The following PHKB variants were observed in gnomAD, a reference collection of about 807,000 sequenced individuals.
PHKB encodes the protein phosphorylase kinase regulatory subunit beta, also known as phosphorylase b kinase regulatory subunit beta.
A neutral mutation model predicts 152.1 loss-of-function variants in PHKB; 122 were observed. The observed-to-expected ratio is 0.80, with a 90% CI of 0.69 to 0.93. PHKB has a LOEUF of 0.93. PHKB is among the 40% of genes least tolerant of loss of function. The pLI is 0.00. For missense variants in PHKB, 1,304 were observed against 1,328.4 expected (o/e 0.98, Z 0.29); for synonymous variants, 436 against 464.9 (o/e 0.94, Z 0.80).
chr16:47,700,462 A>G lies in PHKB; in HGVS notation c.*1096A>G, dbSNP rs1245164088. On this transcript the variant is annotated 3_prime_UTR_variant, in exon 31 of 31. Coordinates refer to ENST00000323584, the MANE Select transcript of PHKB (RefSeq NM_000293.3). ...GTCATTAAATTTTATTTCTGAATTA[A>G]TGAACATATCTGGACATTTTTTGTT... 1.3e-5 allele frequency: 2 copies of G among 152,156 alleles called. No homozygotes were observed. Among genetic ancestry groups the G allele is most frequent in the Admixed American group, 6.5e-5 (1 of 15,294 alleles). The allele number at this position is 152,156 out of a possible 1,614,324, so 9.4% of individuals were successfully genotyped here.
At chr16:47,587,631 C>G (rs1971957157) in intron 8 of PHKB, 37 bp from the exon 9 acceptor site, 3 of 1,510,860 alleles carry the variant, frequency 2.0e-6, no homozygotes, top group Middle Eastern at 1.7e-4. Context: ...AGTCTTTTTT[C>G]TTAATTTAGG....
intron 28 of PHKB, among the ~76,000 whole-genome samples, chr16:47,696,153 T>G (rs929499129): frequency 6.6e-6 from 1 of 152,196 alleles, no homozygotes; most frequent in Non-Finnish European, 1.5e-5. Context: ...CTCAAAAAAT[T>G]AATATAGTGA....
At chr16:47,477,935 G>A (rs1025610882) in intron 1 of PHKB, among the ~76,000 whole-genome samples, 12 of 152,092 alleles carry the variant, frequency 7.9e-5, no homozygotes, top group African/African-American at 2.2e-4. Flanking sequence ...CTAAGATACC[G>A]AGGAATTTGA....
chr16:47,658,210 C>T (rs556730561), intron 20 of PHKB, among the ~76,000 whole-genome samples: 81 of 152,176 alleles, frequency 5.3e-4, no homozygotes, highest in Non-Finnish European at 1.0e-3. Flanking sequence ...ACTAAGCATG[C>T]TCCTGCCTCA....
chr16:47,581,975 C>T (rs952346628), intron 8 of PHKB, among the ~76,000 whole-genome samples: 16 of 152,114 alleles, frequency 1.1e-4, no homozygotes, highest in African/African-American at 3.4e-4. Flanking sequence ...CCACTATGCG[C>T]GGCCGACTCT....
At chr16:47,508,525 G>A (rs1216363239) in intron 4 of PHKB, among the ~76,000 whole-genome samples, 2 of 152,004 alleles carry the variant, frequency 1.3e-5, no homozygotes, top group Non-Finnish European at 2.9e-5. Context: ...TCCCTTATGA[G>A]AAGATTTTTT....
intron 28 of PHKB, among the ~76,000 whole-genome samples, chr16:47,695,827 C>CA (rs1974137297): frequency 1.3e-5 from 2 of 152,204 alleles, no homozygotes. Context: ...GAAAACTACA[C>CA]AGTATTCTTG....
Position 47,491,803 on chromosome 16 carries a change from T to G in PHKB, c.77-5596T>G, listed in dbSNP as rs1247930034. On this transcript the variant is annotated intron_variant, in intron 1 of 30. Transcript: ENST00000323584. ...ATTTATCCACTTCCAGTTCCTGGGG[T>G]TTCATGAGGAAAACAGAGGTTTTTT... Among the ~76,000 whole-genome samples, 3 of 152,038 alleles carry G rather than the reference T, an allele frequency of 2.0e-5. No individual in the cohort carries two copies. In the East Asian group the frequency reaches 5.8e-4, roughly 29 times the overall value.
Position 47,689,055 on chromosome 16 carries a change from C to T in PHKB, c.2645C>T (p.Ala882Val), listed in dbSNP as rs761149812. 6.2e-7 allele frequency: 1 copy of T among 1,613,982 alleles called. No homozygotes were observed. The highest frequency in any genetic ancestry group is 8.5e-7 in the Non-Finnish European group (1 of 1,179,922). The stretch of plus-strand genomic sequence containing the variant: ...TTTTGTTTCAGGTGGATCATCCATG[C>T]CATGGAGTATGAACTTCAGATCCGT... Reference protein sequence around the residue: ...LKIRIGWIIHAMEYELQIRGG... With the variant: ...LKIRIGWIIHVMEYELQIRGG... Residue 882 changes from alanine to valine, a missense_variant, in exon 27 of 31, where the codon GCC becomes GTC. Ala to Val is a moderately conservative substitution (Grantham distance 64). Transcript: ENST00000323584.
intron 20 of PHKB, among the ~76,000 whole-genome samples, chr16:47,658,809 A>AGTGTGTGTGTGTGTGTGTGTGT (rs36066227): frequency 7.1e-6 from 1 of 140,744 alleles, no homozygotes; most frequent in African/African-American, 2.6e-5. Flanking sequence ...AATGCATGAC[A>AGTGTGTGTGTGTGTGTGTGTGT]GTGTGTGTGT....
intron 4 of PHKB, among the ~76,000 whole-genome samples, chr16:47,504,746 T>C (rs201467739): frequency 6.6e-6 from 1 of 152,228 alleles, no homozygotes; most frequent in Non-Finnish European, 1.5e-5. Flanking sequence ...AAATAACTCA[T>C]GTGAGTGAGT....
intron 13 of PHKB, among the ~76,000 whole-genome samples, chr16:47,610,589 G>A (rs938072261): frequency 1.3e-5 from 2 of 151,884 alleles, no homozygotes; most frequent in African/African-American, 4.8e-5. Flanking sequence ...TTCTGTTATT[G>A]ATGCCTAATT....
At chr16:47,575,913 C>T (rs1971740884) in intron 7 of PHKB, among the ~76,000 whole-genome samples, 2 of 152,072 alleles carry the variant, frequency 1.3e-5, no homozygotes, top group Admixed American at 6.5e-5. Flanking sequence ...CCTGTCTCTA[C>T]TAAAAATACA....
chr16:47,572,266 G>A (rs796396827), intron 7 of PHKB, among the ~76,000 whole-genome samples: 2 of 152,178 alleles, frequency 1.3e-5, no homozygotes, highest in African/African-American at 4.8e-5. Flanking sequence ...AGCAGTCAAA[G>A]GCTAGAGAAT....
chr16:47,644,418 C>G (rs1357260259), intron 16 of PHKB, among the ~76,000 whole-genome samples: 1 of 152,174 alleles, frequency 6.6e-6, no homozygotes, highest in Non-Finnish European at 1.5e-5. Context: ...ACTTGGGCTG[C>G]TGTTCTACAG....
chr16:47,698,635 A>G lies in PHKB; in HGVS notation c.3144+47A>G, dbSNP rs1425776232. The G allele has an allele frequency of 5.9e-6, 7 of 1,180,068 alleles. No homozygotes were observed. The East Asian group carries it at 1.5e-4, about 25-fold the overall frequency. 73.1% of individuals were successfully genotyped at this position (1,180,068 alleles called of 1,614,324 possible). ...TTTTTTTTTTTTTGAGAATTTTTTC[A>G]TTGTCTCAATTCTTTAAAATATCCC... On this transcript the variant is annotated intron_variant, in intron 30 of 30. Coordinates refer to ENST00000323584, the MANE Select transcript of PHKB (RefSeq NM_000293.3).
intron 1 of PHKB, among the ~76,000 whole-genome samples, chr16:47,485,154 T>A (rs1883955766): frequency 6.6e-6 from 1 of 152,232 alleles, no homozygotes; most frequent in African/African-American, 2.4e-5. Flanking sequence ...TAAACTGTCT[T>A]AACATACTTC....
intron 7 of PHKB, among the ~76,000 whole-genome samples, chr16:47,554,152 A>T (rs1257777375): frequency 2.6e-5 from 4 of 152,086 alleles, no homozygotes; most frequent in African/African-American, 9.7e-5. Flanking sequence ...TCCCAGGGAG[A>T]TGGAAGTTTT....
intron 14 of PHKB, among the ~76,000 whole-genome samples, chr16:47,638,653 A>G (rs2151725079): frequency 6.6e-6 from 1 of 152,334 alleles, no homozygotes; most frequent in African/African-American, 2.4e-5. Flanking sequence ...GTGATAATAA[A>G]CACACATGTG....
Sources: gnomAD v4.1 joint callset for allele counts (sites outside exome capture counted in the v4.1 genomes callset) on GRCh38, gnomAD v4.1.1 for gene constraint, MANE v1.5 for transcripts, NCBI Gene and HGNC (gene_info 2026-07-23, HGNC 2026-07-21) for gene names.